Variants in ADGRL3 observed in about 807,000 individuals in gnomAD.
The protein encoded by ADGRL3 is calcium-independent alpha-latrotoxin receptor 3.
Under a neutral mutation model 153.5 loss-of-function variants are expected in ADGRL3, and 62 were observed. That is an observed-to-expected ratio of 0.40 (90% CI 0.33 to 0.50). The LOEUF (loss-of-function observed/expected upper bound fraction) is 0.50, where lower values mean the gene tolerates loss of function less well. ADGRL3 is among the 20% of genes least tolerant of loss of function. The pLI is 0.47. For missense variants in ADGRL3, 1,641 were observed against 1,859.4 expected (o/e 0.88, Z 2.16); for synonymous variants, 710 against 672.5 (o/e 1.06, Z -0.86).
At chr4:61,716,367 G>A (rs1462634149) in intron 6 of ADGRL3, among the ~76,000 whole-genome samples, 1 of 152,040 alleles carries the variant, frequency 6.6e-6, no homozygotes, top group East Asian at 1.9e-4. Context: ...ATGTAGCATT[G>A]CTGCCAGGGG....
chr4:62,011,485 G>A (rs757161859), intron 21 of ADGRL3, among the ~76,000 whole-genome samples: 4 of 151,934 alleles, frequency 2.6e-5, no homozygotes, highest in South Asian at 4.2e-4. Flanking sequence ...GGTATAGGGC[G>A]GTTATCTCTG....
chr4:61,206,879 G>C (rs1737473130), intron 1 of ADGRL3, among the ~76,000 whole-genome samples: 1 of 151,942 alleles, frequency 6.6e-6, no homozygotes, highest in Non-Finnish European at 1.5e-5. Flanking sequence ...CTATTCGGGA[G>C]GCTTGAAGCA....
At chr4:61,332,439 G>T (rs1015829575) in intron 1 of ADGRL3, among the ~76,000 whole-genome samples, 1 of 152,098 alleles carries the variant, frequency 6.6e-6, no homozygotes, top group African/African-American at 2.4e-5. Context: ...TTTGTATGGA[G>T]GATGCAGTAA....
rs550433547 is a variant in ADGRL3 at position 61,314,060 on chromosome 4, A to G, written c.-239-69064A>G. 2.0e-5 allele frequency among the ~76,000 whole-genome samples: 3 copies of G among 152,298 alleles called. No homozygotes were observed. The East Asian group carries it at 5.8e-4, about 29-fold the overall frequency. ...AGAGAGTGGCTCCTGGCAGCCGGGA[A>G]CTGATTATTTTTCTCATCAACATTT... On this transcript the variant is annotated intron_variant, in intron 1 of 26. Transcript: ENST00000683033.
chr4:61,587,183 T>C (rs755683823), intron 4 of ADGRL3, 44 bp from the exon 5 acceptor site: 1 of 1,321,340 alleles, frequency 7.6e-7, no homozygotes, highest in South Asian at 1.3e-5. Context: ...TTCCTTTGTA[T>C]GTAGTAACGA....
chr4:61,558,301 T>C (rs1483401399), intron 4 of ADGRL3, among the ~76,000 whole-genome samples: 1 of 151,174 alleles, frequency 6.6e-6, no homozygotes, highest in Non-Finnish European at 1.5e-5. Context: ...TAAATAGTTC[T>C]TCTTATGTGT....
intron 8 of ADGRL3, among the ~76,000 whole-genome samples, chr4:61,812,761 TG>T (rs2097645732): frequency 1.3e-5 from 2 of 152,214 alleles, no homozygotes; most frequent in Admixed American, 1.3e-4. Flanking sequence ...ATCAGCATCT[TG>T]GCCTTAAAAT....
intron 9 of ADGRL3, among the ~76,000 whole-genome samples, chr4:61,859,868 C>T (rs1036322325): frequency 2.0e-5 from 3 of 152,068 alleles, no homozygotes; most frequent in Admixed American, 6.6e-5. Flanking sequence ...CAAGTCAGTG[C>T]CTAGTTATTT....
At chr4:61,224,798 G>A (rs535569027) in intron 1 of ADGRL3, among the ~76,000 whole-genome samples, 8 of 152,112 alleles carry the variant, frequency 5.3e-5, no homozygotes, top group Non-Finnish European at 7.4e-5. Flanking sequence ...TCCAAGTGTC[G>A]GCAGACACCT....
In ADGRL3 at chr4:61,935,078, G is replaced by A; in HGVS notation, c.2296+55G>A. The A allele has an allele frequency of 2.5e-5, 38 of 1,494,418 alleles. No homozygotes were observed. The Admixed American group carries it at 2.6e-4, about 10-fold the overall frequency. 92.6% of individuals were successfully genotyped at this position (1,494,418 alleles called of 1,614,324 possible). ...AGACACTCTTGTATATCAGAAGAGG[G>A]AAAAGAAAAAAGTATCTCTGGTGTC... On this transcript the variant is annotated intron_variant, in intron 14 of 26. Transcript: ENST00000683033.
intron 2 of ADGRL3, among the ~76,000 whole-genome samples, chr4:61,496,259 G>A (rs1329720505): frequency 6.6e-6 from 1 of 152,124 alleles, no homozygotes; most frequent in Non-Finnish European, 1.5e-5. Flanking sequence ...TAACAGTGAT[G>A]AATTAAATAT....
intron 5 of ADGRL3, among the ~76,000 whole-genome samples, chr4:61,610,863 G>A (rs555073090): frequency 8.6e-5 from 13 of 151,780 alleles, no homozygotes. Context: ...AAAAGATAGT[G>A]GGGTGTAGAG....
intron 13 of ADGRL3, among the ~76,000 whole-genome samples, chr4:61,918,866 G>A (rs543009700): frequency 6.6e-6 from 1 of 152,212 alleles, no homozygotes; most frequent in South Asian, 2.1e-4. Flanking sequence ...AACCAAAATT[G>A]CTATTGCACC....
At chr4:61,803,503 GTCTC>G (rs1331700462) in intron 8 of ADGRL3, among the ~76,000 whole-genome samples, 4 of 152,018 alleles carry the variant, frequency 2.6e-5, no homozygotes, top group African/African-American at 7.2e-5. Flanking sequence ...TTTCACTGAC[GTCTC>G]TCTCACTCAT....
chr4:61,581,447 C>A (rs1033233261), intron 4 of ADGRL3, among the ~76,000 whole-genome samples: 1 of 152,006 alleles, frequency 6.6e-6, no homozygotes, highest in South Asian at 2.1e-4. Flanking sequence ...AATGCGCATG[C>A]CCTCCACGGG....
intron 1 of ADGRL3, among the ~76,000 whole-genome samples, chr4:61,363,603 A>G (rs1016119395): frequency 6.6e-6 from 1 of 152,206 alleles, no homozygotes; most frequent in African/African-American, 2.4e-5. Flanking sequence ...CTACAGATTC[A>G]TCATCTGTTA....
intron 1 of ADGRL3, among the ~76,000 whole-genome samples, chr4:61,252,321 GA>G (rs761679702): frequency 1.4e-3 from 210 of 152,180 alleles, no homozygotes; most frequent in Admixed American, 3.6e-3. Context: ...GGAACAACAG[GA>G]GGTAAATTTT....
rs756367900 is a variant in ADGRL3, at chr4:61,909,706, C to T, written c.2034C>T (p.Thr678=). 8.9e-6 allele frequency: 14 copies of T among 1,579,064 alleles called. No homozygotes were observed. The South Asian group carries it at 1.6e-4, about 18-fold the overall frequency. Reference sequence around the variant, plus strand: ...TAGATGTACAGCTTCGGAACTTGACCCCAGGTGGAAAAGATAGTGCTGCCC... The same window carrying T: ...TAGATGTACAGCTTCGGAACTTGACTCCAGGTGGAAAAGATAGTGCTGCCC... ...GLLDVQLRNL[T]PGGKDSAARS... Residue 678 remains threonine, a synonymous_variant, in exon 12 of 27, where the codon ACC becomes ACT. Transcript: ENST00000683033.
intron 19 of ADGRL3, among the ~76,000 whole-genome samples, chr4:61,986,003 A>T (rs1407532760): frequency 6.7e-6 from 1 of 149,052 alleles, no homozygotes; most frequent in Admixed American, 6.7e-5. Flanking sequence ...TTTTTTTTTT[A>T]AATAACATCT....
Sources: allele counts gnomAD v4.1 joint callset (sites outside exome capture counted in the v4.1 genomes callset), GRCh38; gene constraint gnomAD v4.1.1; transcripts MANE v1.5; gene names NCBI Gene and HGNC (gene_info 2026-07-23, HGNC 2026-07-21).